PARN: variants seen among roughly 807,000 people sequenced by gnomAD.
The protein encoded by PARN is poly(A)-specific ribonuclease, also known as poly(A)-specific ribonuclease PARN.
PARN carries 71 observed loss-of-function variants against 102.8 expected under a neutral mutation model. The observed-to-expected ratio is 0.69, with a 90% CI of 0.57 to 0.84. The LOEUF (loss-of-function observed/expected upper bound fraction) is 0.84. PARN is among the 40% of genes least tolerant of loss of function. PARN has a pLI of 0.00. For synonymous variants in PARN, 261 were observed against 252.9 expected, an observed-to-expected ratio of 1.03 and a Z score of -0.30; for missense variants, 782 against 760.9, an observed-to-expected ratio of 1.03 and a Z score of -0.33.
At chr16:14,461,865 G>A (rs1452045186) in intron 22 of PARN, among the ~76,000 whole-genome samples, 1 of 152,184 alleles carries the variant, frequency 6.6e-6, no homozygotes, top group African/African-American at 2.4e-5. Context: ...ATAATGACAT[G>A]TTTTGCTGTC....
chr16:14,466,841 CTG>C (rs1272231923), intron 22 of PARN, among the ~76,000 whole-genome samples: 1 of 152,202 alleles, frequency 6.6e-6, no homozygotes, highest in East Asian at 1.9e-4. Context: ...TCTTTGGAAA[CTG>C]TCATTTTTGG....
chr16:14,438,818 A>G (rs566435409), intron 23 of PARN, among the ~76,000 whole-genome samples: 1 of 152,134 alleles, frequency 6.6e-6, no homozygotes, highest in Non-Finnish European at 1.5e-5. Flanking sequence ...AGCGAGAATG[A>G]TGTGTACAAA....
intron 22 of PARN, among the ~76,000 whole-genome samples, chr16:14,476,399 G>A (rs1963053819): frequency 6.6e-6 from 1 of 152,178 alleles, no homozygotes; most frequent in African/African-American, 2.4e-5. Context: ...ATCTTGGACA[G>A]TATAATTCCA....
At chr16:14,563,840 C>T (rs1195882886) in intron 18 of PARN, among the ~76,000 whole-genome samples, 1 of 151,520 alleles carries the variant, frequency 6.6e-6, no homozygotes. Flanking sequence ...AGCTTTTTTT[C>T]TTCTGGGCTG....
At chr16:14,501,460 A>AAAAAAAAAAAAAAAAC (rs71150191) in intron 21 of PARN, 1 of 137,550 alleles carries the variant, frequency 7.3e-6, no homozygotes, top group African/African-American at 2.7e-5. Flanking sequence ...AAAAAAAAAA[A>AAAAAAAAAAAAAAAAC]CAGAAAGAAA....
rs1963960348 is a variant in PARN at position 14,489,818 on chromosome 16, AAAC to A, written c.1481-6994_1481-6992del. On this transcript the variant is annotated intron_variant, in intron 21 of 23. Transcript: ENST00000437198. Reference sequence around the variant, plus strand: ...ATTTTTTGCCATGGCCACTCTCAGCAAACATCAAGTTCTCAATGTCTAAGGGAA... The same window carrying A: ...ATTTTTTGCCATGGCCACTCTCAGCAATCAAGTTCTCAATGTCTAAGGGAA... Among the ~76,000 whole-genome samples, 4 of 152,348 alleles carry A rather than the reference AAAC, an allele frequency of 2.6e-5. No individual in the cohort carries two copies. In the South Asian group the frequency reaches 8.3e-4, roughly 32 times the overall value.
At chr16:14,487,145 C>G (rs907083070) in intron 21 of PARN, among the ~76,000 whole-genome samples, 1 of 152,248 alleles carries the variant, frequency 6.6e-6, no homozygotes, top group Non-Finnish European at 1.5e-5. Flanking sequence ...ACACTGCACA[C>G]AGCATAGCAT....
intron 21 of PARN, among the ~76,000 whole-genome samples, chr16:14,500,871 G>A (rs530977754): frequency 1.3e-4 from 20 of 152,134 alleles, no homozygotes; most frequent in Middle Eastern, 6.8e-3. Flanking sequence ...GCAGTTAGAG[G>A]CCTTTACCAA....
chr16:14,572,592 C>G (rs920836089), intron 18 of PARN, among the ~76,000 whole-genome samples: 1 of 152,188 alleles, frequency 6.6e-6, no homozygotes, highest in Non-Finnish European at 1.5e-5. Flanking sequence ...TTCAACCCTC[C>G]ATACACTGCT....
intron 5 of PARN, 22 bp downstream of exon 5, chr16:14,627,084 A>C: frequency 7.0e-7 from 1 of 1,424,566 alleles, no homozygotes; most frequent in Non-Finnish European, 9.8e-7. Context: ...CAGAAAAGAA[A>C]AATCTCAATT....
intron 13 of PARN, among the ~76,000 whole-genome samples, chr16:14,589,884 A>C (rs907788986): frequency 1.3e-5 from 2 of 151,350 alleles, no homozygotes; most frequent in African/African-American, 4.9e-5. Flanking sequence ...AAGGTGCGAA[A>C]GTGAAGAAAA....
intron 20 of PARN, among the ~76,000 whole-genome samples, chr16:14,552,843 GA>G (rs1967401999): frequency 6.6e-6 from 1 of 151,976 alleles, no homozygotes; most frequent in African/African-American, 2.4e-5. Context: ...AGCTACTCGC[GA>G]GGCTGAGGCA....
intron 1 of PARN, 34 bp from the exon 2 acceptor site, chr16:14,629,708 T>C (rs375095239): frequency 2.0e-6 from 3 of 1,488,560 alleles, no homozygotes; most frequent in East Asian, 2.3e-5. Flanking sequence ...TCAGAACCAG[T>C]GGCCTGAATT....
At chr16:14,494,757 G>A (rs144695152) in intron 21 of PARN, among the ~76,000 whole-genome samples, 1 of 152,158 alleles carries the variant, frequency 6.6e-6, no homozygotes, top group Non-Finnish European at 1.5e-5. Context: ...AGGACGCCAG[G>A]GTAATAAATA....
At chr16:14,526,069 C>T (rs182115385) in intron 21 of PARN, among the ~76,000 whole-genome samples, 3 of 152,202 alleles carry the variant, frequency 2.0e-5, no homozygotes, top group Non-Finnish European at 4.4e-5. Context: ...TCGCCCACCT[C>T]AGCCTCCCAA....
intron 13 of PARN, among the ~76,000 whole-genome samples, chr16:14,587,744 T>C (rs1025751088): frequency 2.6e-5 from 4 of 152,230 alleles, no homozygotes; most frequent in African/African-American, 7.2e-5. Context: ...CATAAAGAAG[T>C]TAAGTTACTT....
intron 21 of PARN, among the ~76,000 whole-genome samples, chr16:14,496,214 G>A (rs1349044057): frequency 1.3e-5 from 2 of 152,182 alleles, no homozygotes; most frequent in East Asian, 1.9e-4. Flanking sequence ...TGACCCTGAC[G>A]CATGCTTCTG....
intron 22 of PARN, among the ~76,000 whole-genome samples, chr16:14,478,049 G>A (rs1405781074): frequency 2.6e-5 from 4 of 151,936 alleles, no homozygotes; most frequent in East Asian, 1.9e-4. Context: ...ATGGCCAGGT[G>A]CACAGCTCCC....
At chr16:14,586,088 G>A (rs1390989481) in intron 14 of PARN, among the ~76,000 whole-genome samples, 1 of 147,340 alleles carries the variant, frequency 6.8e-6, no homozygotes, top group Non-Finnish European at 1.5e-5. Flanking sequence ...CAAGCAATTC[G>A]CCCACTTCAG....
Sources: gnomAD v4.1 joint callset for allele counts (sites outside exome capture counted in the v4.1 genomes callset) on GRCh38, gnomAD v4.1.1 for gene constraint, MANE v1.5 for transcripts, NCBI Gene and HGNC (gene_info 2026-07-23, HGNC 2026-07-21) for gene names.